The following DCAF7 variants were observed in gnomAD, a reference collection of about 807,000 sequenced individuals.
The protein encoded by DCAF7 is DDB1- and CUL4-associated factor 7.
Under a neutral mutation model 41.2 loss-of-function variants are expected in DCAF7, and 4 were observed. The ratio of observed to expected loss-of-function variants is 0.10; its 90% CI spans 0.05 to 0.22. The LOEUF (loss-of-function observed/expected upper bound fraction) is 0.22. DCAF7 is among the 10% of genes least tolerant of loss of function. The probability of loss-of-function intolerance (pLI) is 1.00; values close to 1 mark genes in which losing one functional copy is unlikely to be tolerated. For synonymous variants in DCAF7, 143 were observed against 164.2 expected, an observed-to-expected ratio of 0.87 and a Z score of 0.99; for missense variants, 131 against 443.2, an observed-to-expected ratio of 0.30 and a Z score of 6.32.
At chr17:63,569,127 C>T (rs939481535) in intron 1 of DCAF7, among the ~76,000 whole-genome samples, 1 of 152,196 alleles carries the variant, frequency 6.6e-6, no homozygotes, top group Non-Finnish European at 1.5e-5. Context: ...TGGGATGTTA[C>T]TAAACCTAAT....
At chr17:63,551,169 TG>T (rs2033248610) in intron 1 of DCAF7, among the ~76,000 whole-genome samples, 1 of 152,136 alleles carries the variant, frequency 6.6e-6, no homozygotes, top group Non-Finnish European at 1.5e-5. Flanking sequence ...TTGCTTTCGT[TG>T]GTGGGCGGGG....
intron 1 of DCAF7, among the ~76,000 whole-genome samples, chr17:63,576,635 T>G (rs535619908): frequency 1.8e-4 from 28 of 151,622 alleles, no homozygotes; most frequent in African/African-American, 6.8e-4. Flanking sequence ...AAAAAATTTT[T>G]TGGGTGCGGT....
intron 4 of DCAF7, 43 bp from the exon 5 acceptor site, chr17:63,583,459 G>A (rs1262730566): frequency 6.4e-7 from 1 of 1,552,126 alleles, no homozygotes; most frequent in Non-Finnish European, 8.9e-7. Flanking sequence ...GGAAGAAGAG[G>A]TAATGGATCT....
rs758222009 is a variant in DCAF7, at chr17:63,591,504, C to T, written c.*2332C>T. On this transcript the variant is annotated 3_prime_UTR_variant, in exon 7 of 7. Coordinates refer to ENST00000614556, the MANE Select transcript of DCAF7 (RefSeq NM_005828.5). ...AGTACAGTCTTCCCCTGAATGCCAC[C>T]GGGGACCCAGGGGGACTCCACCCCC... The T allele has an allele frequency of 6.6e-6, 1 of 152,188 alleles. No homozygotes were observed. Among genetic ancestry groups the T allele is most frequent in the African/African-American group, 2.4e-5 (1 of 41,410 alleles). 9.4% of individuals were successfully genotyped at this position (152,188 alleles called of 1,614,324 possible).
intron 1 of DCAF7, among the ~76,000 whole-genome samples, chr17:63,563,896 G>A (rs549614487): frequency 6.6e-6 from 1 of 152,066 alleles, no homozygotes; most frequent in African/African-American, 2.4e-5. Context: ...CAGCACTGGG[G>A]GAATCCCGGT....
intron 4 of DCAF7, among the ~76,000 whole-genome samples, chr17:63,581,676 A>C (rs1555682161): frequency 6.6e-6 from 1 of 152,256 alleles, no homozygotes. Flanking sequence ...ACAGAGAAGA[A>C]GAGCAGGGAG....
Position 63,559,321 on chromosome 17 carries a change from G to A in DCAF7, c.138+8506G>A, listed in dbSNP as rs28507662. Among the ~76,000 whole-genome samples the A allele has an allele frequency of 2.7e-3, 210 of 77,462 alleles. 3 individuals are homozygous for A. The highest frequency in any genetic ancestry group is 0.015 in the African/African-American group (207 of 13,590). The allele number at this position is 77,462 out of a possible 152,430, so 50.8% of individuals were successfully genotyped here. A position where few individuals can be genotyped will look rare whatever the true frequency, so the allele number is the denominator to read the frequency against. ...GTGAGACCCATATATATATATATATGTATATATATATACATACATATATAT... is the reference window on the plus strand; with the variant it reads ...GTGAGACCCATATATATATATATATATATATATATATACATACATATATAT... On this transcript the variant is annotated intron_variant, in intron 1 of 6. Transcript: ENST00000614556.
At chr17:63,561,246 T>C (rs1239343972) in intron 1 of DCAF7, among the ~76,000 whole-genome samples, 2 of 151,980 alleles carry the variant, frequency 1.3e-5, no homozygotes, top group East Asian at 1.9e-4. Flanking sequence ...GCCTGGGCAA[T>C]AGAGCAAGAC....
chr17:63,589,551 T>TA lies in DCAF7; in HGVS notation c.*379_*380insA, dbSNP rs2033713425. The TA allele has an allele frequency of 3.3e-6, 1 of 298,688 alleles. No individual in the cohort carries two copies. The highest frequency in any genetic ancestry group is 8.6e-5 in the East Asian group (1 of 11,686). 18.5% of individuals were successfully genotyped at this position (298,688 alleles called of 1,614,324 possible). A position where few individuals can be genotyped will look rare whatever the true frequency, so the allele number is the denominator to read the frequency against. ...GTTTGCTGCCCAAGGCAGCAGTTCA[T>TA]GTCTCGTCCATGTCCATGTTCGTGT... is the stretch of plus-strand genomic sequence containing the variant. On this transcript the variant is annotated 3_prime_UTR_variant, in exon 7 of 7. Transcript: ENST00000614556.
chr17:63,562,860 A>C (rs532869778), intron 1 of DCAF7, among the ~76,000 whole-genome samples: 2 of 149,196 alleles, frequency 1.3e-5, no homozygotes, highest in East Asian at 3.9e-4. Context: ...GTCTTGCTCT[A>C]TGAGCTGGGC....
At chr17:63,576,601 G>C (rs1246321032) in intron 1 of DCAF7, among the ~76,000 whole-genome samples, 1 of 151,888 alleles carries the variant, frequency 6.6e-6, no homozygotes, top group Non-Finnish European at 1.5e-5. Flanking sequence ...CTGGGATTAG[G>C]CAAAGATTTC....
intron 1 of DCAF7, among the ~76,000 whole-genome samples, chr17:63,572,117 A>C (rs1014213989): frequency 6.6e-6 from 1 of 152,214 alleles, no homozygotes; most frequent in Non-Finnish European, 1.5e-5. Flanking sequence ...GAAGACTGTG[A>C]ATGCCTTATG....
At chr17:63,563,332 A>T (rs1434565081) in intron 1 of DCAF7, among the ~76,000 whole-genome samples, 1 of 152,198 alleles carries the variant, frequency 6.6e-6, no homozygotes, top group African/African-American at 2.4e-5. Context: ...AAATTAAGTT[A>T]TTGCTTCTAG....
At chr17:63,552,993 C>G (rs2033273300) in intron 1 of DCAF7, among the ~76,000 whole-genome samples, 1 of 152,198 alleles carries the variant, frequency 6.6e-6, no homozygotes, top group Non-Finnish European at 1.5e-5. Context: ...ATCAGTAGAT[C>G]AGGGTTCTTA....
chr17:63,559,586 A>G (rs2033358605), intron 1 of DCAF7, among the ~76,000 whole-genome samples: 1 of 150,980 alleles, frequency 6.6e-6, no homozygotes, highest in South Asian at 2.1e-4. Flanking sequence ...TGGATCGCCT[A>G]AGGTCAGGAG....
rs779929439 is a variant in DCAF7, at chr17:63,589,198, C to T, written c.*26C>T. The T allele has an allele frequency of 6.2e-7, 1 of 1,610,716 alleles. No homozygotes were observed. The highest frequency in any genetic ancestry group is 1.1e-5 in the South Asian group (1 of 90,974). On this transcript the variant is annotated 3_prime_UTR_variant, in exon 7 of 7. Coordinates refer to ENST00000614556, the MANE Select transcript of DCAF7 (RefSeq NM_005828.5). ...TGTTGGTGGCGCTGTGCCCACGAGGCAGGGGCTTTTGTATTTCCTGCCTCT... is the reference window on the plus strand; with the variant it reads ...TGTTGGTGGCGCTGTGCCCACGAGGTAGGGGCTTTTGTATTTCCTGCCTCT...
At chr17:63,580,350 T>C (rs1251640881) in intron 4 of DCAF7, among the ~76,000 whole-genome samples, 1 of 152,142 alleles carries the variant, frequency 6.6e-6, no homozygotes, top group South Asian at 2.1e-4. Context: ...AACGTAATTA[T>C]TCATTTTTCT....
intron 5 of DCAF7, among the ~76,000 whole-genome samples, chr17:63,584,685 C>CAG (rs2033659209): frequency 6.6e-6 from 1 of 152,182 alleles, no homozygotes; most frequent in Admixed American, 6.5e-5. Flanking sequence ...TAGCTTGAAC[C>CAG]TGGGAAGCGG....
chr17:63,584,679 T>C (rs1286886905), intron 5 of DCAF7, among the ~76,000 whole-genome samples: 1 of 152,210 alleles, frequency 6.6e-6, no homozygotes, highest in Admixed American at 6.5e-5. Context: ...GGAGAATAGC[T>C]TGAACCTGGG....
Sources: allele counts gnomAD v4.1 joint callset (sites outside exome capture counted in the v4.1 genomes callset), GRCh38; gene constraint gnomAD v4.1.1; transcripts MANE v1.5; gene names NCBI Gene and HGNC (gene_info 2026-07-23, HGNC 2026-07-21).